Variants in ZNF334 observed in about 807,000 individuals in gnomAD.
ZNF334 encodes the protein zinc finger protein 334.
A neutral mutation model predicts 12.4 loss-of-function variants in ZNF334; 14 were observed. The ratio of observed to expected loss-of-function variants is 1.13; its 90% CI spans 0.74 to 1.76. The LOEUF (loss-of-function observed/expected upper bound fraction) is 1.76, where lower values mean the gene tolerates loss of function less well. ZNF334 is among the 40% of genes most tolerant of loss of function. ZNF334 has a pLI of 0.00. For synonymous variants in ZNF334, 273 were observed against 269.6 expected, an observed-to-expected ratio of 1.01 and a Z score of -0.12; for missense variants, 797 against 804.5, an observed-to-expected ratio of 0.99 and a Z score of 0.11.
the ZNF334 span, among the ~76,000 whole-genome samples, chr20:46,488,220 C>A: frequency 6.6e-6 from 1 of 150,614 alleles, no homozygotes; most frequent in African/African-American, 2.4e-5. Context: ...GCTTTATTAT[C>A]CTTACCCTAT....
the ZNF334 span, among the ~76,000 whole-genome samples, chr20:46,468,299 G>A: frequency 1.3e-5 from 2 of 149,910 alleles, no homozygotes; most frequent in South Asian, 2.1e-4. Flanking sequence ...TTTTTGAGAC[G>A]GAGTCTCGCT....
At chr20:46,509,884 G>T (rs747192953) in intron 2 of ZNF334, 31 of 585,834 alleles carry the variant, frequency 5.3e-5, no homozygotes, top group Non-Finnish European at 4.9e-5. Flanking sequence ...TATGGGTCTG[G>T]CAGAGTTGAG....
At chr20:46,473,901 G>A in the ZNF334 span, among the ~76,000 whole-genome samples, 6 of 152,340 alleles carry the variant, frequency 3.9e-5, no homozygotes, top group African/African-American at 1.4e-4. Flanking sequence ...GTACGTGATT[G>A]TATATTGGGA....
chr20:46,486,380 C>T, the ZNF334 span, among the ~76,000 whole-genome samples: 1 of 152,124 alleles, frequency 6.6e-6, no homozygotes, highest in Non-Finnish European at 1.5e-5. Context: ...TGTCACTGCA[C>T]TCCAGCCTGG....
chr20:46,490,511 C>T, the ZNF334 span, among the ~76,000 whole-genome samples: 13 of 152,270 alleles, frequency 8.5e-5, no homozygotes, highest in Middle Eastern at 6.8e-3. Context: ...TAGGATTTCA[C>T]GTGATTCTTT....
Position 46,503,083 on chromosome 20 carries a change from A to T in ZNF334, c.256T>A (p.Leu86Ile), listed in dbSNP as rs2061308110. The change falls in exon 5 of 5, where the codon TTA becomes ATA. Residue 86 changes from leucine (L) to isoleucine (I), a missense_variant. Transcript: ENST00000692313. ...TCTTGGATTTCCTTGTTCTTCTCTA[A>T]GGCATCATCAATGTCTAGAAAAAGG... ...NQNYPDIDDA[L>I]EKNKEIQDKH... 1 of 1,598,160 alleles carries T rather than the reference A, an allele frequency of 6.3e-7. No individual in the cohort carries two copies. Among genetic ancestry groups the T allele is most frequent in the Admixed American group, 1.7e-5 (1 of 57,338 alleles).
At position 46,501,525 on chromosome 20, in the gene ZNF334, C is replaced by T; in HGVS notation, c.1814G>A (p.Cys605Tyr). Residue 605 changes from cysteine (C) to tyrosine (Y), a missense_variant, in exon 5 of 5, where the codon TGT becomes TAT. Cys to Tyr is a radical substitution (Grantham distance 194). Transcript: ENST00000692313. ...TGACTTATGGCAGAAGGATTTCCCA[C>T]ATTCATTACATTCATATGGTTTCTC... is the stretch of plus-strand genomic sequence containing the variant. The part of the protein sequence containing the change: ...TGEKPYECNE[C>Y]GKSFCHKSAF... The T allele has an allele frequency of 1.2e-6, 2 of 1,614,128 alleles. No homozygotes were observed. The highest frequency in any genetic ancestry group is 1.7e-6 in the Non-Finnish European group (2 of 1,179,980).
intron 4 of ZNF334, among the ~76,000 whole-genome samples, chr20:46,503,569 A>G (rs1303363846): frequency 3.3e-5 from 5 of 152,222 alleles, no homozygotes; most frequent in Admixed American, 6.5e-5. Context: ...AAAACACACA[A>G]GAAGGAAGAG....
At chr20:46,477,499 T>C in the ZNF334 span, among the ~76,000 whole-genome samples, 1 of 152,164 alleles carries the variant, frequency 6.6e-6, no homozygotes, top group Non-Finnish European at 1.5e-5. Context: ...CCACCATACC[T>C]GGAATTTTAA....
downstream of ZNF334, among the ~76,000 whole-genome samples, chr20:46,496,161 G>C (rs985325600): frequency 7.9e-5 from 12 of 152,148 alleles, no homozygotes; most frequent in Admixed American, 7.9e-4. Flanking sequence ...ATGTCAAGCT[G>C]CTCCTTCGAA....
chr20:46,494,800 AAC>A (rs1200154772), downstream of ZNF334, among the ~76,000 whole-genome samples: 1 of 152,216 alleles, frequency 6.6e-6, no homozygotes, highest in Non-Finnish European at 1.5e-5. Context: ...ACACCAGAAC[AAC>A]TTGTTCTGAA....
the ZNF334 span, among the ~76,000 whole-genome samples, chr20:46,486,844 A>G: frequency 6.6e-6 from 1 of 152,088 alleles, no homozygotes; most frequent in Admixed American, 6.5e-5. Flanking sequence ...CCATTTTGGT[A>G]GTTTTGTCTC....
chr20:46,472,678 C>T, the ZNF334 span, among the ~76,000 whole-genome samples: 1 of 152,112 alleles, frequency 6.6e-6, no homozygotes, highest in Admixed American at 6.5e-5. Context: ...GAGAATAGGT[C>T]AGGTAGGTAG....
At chr20:46,493,442 A>G in the ZNF334 span, among the ~76,000 whole-genome samples, 20 of 152,332 alleles carry the variant, frequency 1.3e-4, no homozygotes, top group African/African-American at 4.6e-4. Context: ...GAGGGGTAAC[A>G]TGAGAAATCC....
the ZNF334 span, among the ~76,000 whole-genome samples, chr20:46,463,487 A>G: frequency 1.1e-3 from 173 of 152,344 alleles, no homozygotes; most frequent in Middle Eastern, 6.8e-3. Flanking sequence ...GGCTCTTTAG[A>G]AGCGCATATC....
the ZNF334 span, among the ~76,000 whole-genome samples, chr20:46,479,136 C>G: frequency 5.3e-5 from 8 of 152,296 alleles, no homozygotes; most frequent in African/African-American, 1.7e-4. Flanking sequence ...GGGCTAAAAT[C>G]AAGGTGCTGG....
the ZNF334 span, among the ~76,000 whole-genome samples, chr20:46,494,067 C>T: frequency 6.6e-6 from 1 of 152,118 alleles, no homozygotes; most frequent in South Asian, 2.1e-4. Flanking sequence ...ATATGGAGAA[C>T]CTATTACTGG....
the ZNF334 span, among the ~76,000 whole-genome samples, chr20:46,478,028 T>A: frequency 6.6e-6 from 1 of 152,218 alleles, no homozygotes; most frequent in Admixed American, 6.5e-5. Context: ...ATTATCTGAT[T>A]TCAACATTCA....
At chr20:46,466,048 G>A in the ZNF334 span, among the ~76,000 whole-genome samples, 1 of 152,170 alleles carries the variant, frequency 6.6e-6, no homozygotes, top group African/African-American at 2.4e-5. Context: ...GAGAGAGGAA[G>A]ATTATCCGTC....
Sources: allele counts gnomAD v4.1 joint callset (sites outside exome capture counted in the v4.1 genomes callset), GRCh38; gene constraint gnomAD v4.1.1; transcripts MANE v1.5; gene names NCBI Gene and HGNC (gene_info 2026-07-23, HGNC 2026-07-21).